Variants in CDK14 observed in about 807,000 individuals in gnomAD.
CDK14 encodes cyclin dependent kinase 14.
Under a neutral mutation model 60.7 loss-of-function variants are expected in CDK14, and 34 were observed. That is an observed-to-expected ratio of 0.56 (90% confidence interval 0.43 to 0.75). CDK14 has a LOEUF of 0.75. CDK14 is among the 30% of genes least tolerant of loss of function. The pLI is 0.00. For synonymous variants in CDK14, 197 were observed against 203.7 expected (o/e 0.97, Z 0.28); for missense variants, 482 against 564.1 (o/e 0.85, Z 1.47).
At position 91,058,614 on chromosome 7, in the gene CDK14, A is replaced by AG. The variant is rs559206367; in HGVS notation, c.1105+12656dup. ...AATTTATTGAGAGTTTTTAGCATGA[A>AG]GGTTGTTGAATTTTGTCAAAGGCTT... On this transcript the variant is annotated intron_variant, in intron 11 of 14. Transcript: ENST00000380050. Among the ~76,000 whole-genome samples the AG allele has an allele frequency of 7.1e-3, 1,088 of 152,282 alleles. 7 individuals are homozygous for AG. The highest frequency in any genetic ancestry group is 0.011 in the Non-Finnish European group (725 of 68,012).
At chr7:91,054,875 G>A (rs551415121) in intron 11 of CDK14, among the ~76,000 whole-genome samples, 1 of 152,302 alleles carries the variant, frequency 6.6e-6, no homozygotes, top group Admixed American at 6.5e-5. Flanking sequence ...GAAAGCCAAG[G>A]TGAAGAGTCA....
chr7:90,704,453 A>G (rs1188670386), intron 2 of CDK14, among the ~76,000 whole-genome samples: 2 of 152,148 alleles, frequency 1.3e-5, no homozygotes, highest in Admixed American at 1.3e-4. Context: ...TGTGGCATGT[A>G]TGTGTGTTTA....
At chr7:91,004,679 G>A (rs1235505112) in intron 10 of CDK14, among the ~76,000 whole-genome samples, 1 of 152,224 alleles carries the variant, frequency 6.6e-6, no homozygotes, top group Non-Finnish European at 1.5e-5. Context: ...GAAGCGGTGA[G>A]TAGCGTGCAG....
intron 10 of CDK14, among the ~76,000 whole-genome samples, chr7:91,003,004 G>A (rs566082971): frequency 3.4e-4 from 51 of 152,088 alleles, no homozygotes; most frequent in Admixed American, 3.1e-3. Context: ...CCTGGGAGGC[G>A]GAGCTTATAG....
Position 90,917,630 on chromosome 7 carries a change from G to C in CDK14, c.732G>C (p.Leu244=). Residue 244 remains leucine, a synonymous_variant, in exon 8 of 15, where the codon CTG becomes CTC. Transcript: ENST00000380050. ...TTTTATTTCAGTTGCTGCGAGGTCT[G>C]TCTTACATCCACCAGCGTTATATTT... is the stretch of plus-strand genomic sequence containing the variant. ...KLFLFQLLRG[L]SYIHQRYILH... is the part of the protein sequence containing the mutation. The C allele has an allele frequency of 3.1e-6, 5 of 1,613,610 alleles. No individual in the cohort carries two copies. Among genetic ancestry groups the C allele is most frequent in the Non-Finnish European group, 4.2e-6 (5 of 1,179,612 alleles).
chr7:91,125,536 G>GCACACA (rs369840885), intron 14 of CDK14, among the ~76,000 whole-genome samples: 1 of 151,178 alleles, frequency 6.6e-6, no homozygotes, highest in South Asian at 2.1e-4. Context: ...ACCAACGCAT[G>GCACACA]CACACACACA....
intron 11 of CDK14, among the ~76,000 whole-genome samples, chr7:91,066,144 G>A (rs1013424675): frequency 1.3e-5 from 2 of 152,168 alleles, no homozygotes; most frequent in Admixed American, 6.5e-5. Flanking sequence ...GAAATTGTGA[G>A]TAACTGAATA....
chr7:90,768,087 T>A (rs1804639097), intron 4 of CDK14, among the ~76,000 whole-genome samples: 1 of 152,252 alleles, frequency 6.6e-6, no homozygotes, highest in Non-Finnish European at 1.5e-5. Context: ...ATCACTGTTG[T>A]GATGATTGAT....
At chr7:90,722,938 C>CT (rs533407104) in intron 2 of CDK14, among the ~76,000 whole-genome samples, 7 of 152,220 alleles carry the variant, frequency 4.6e-5, no homozygotes, top group Non-Finnish European at 1.0e-4. Context: ...CAACAAATGA[C>CT]TTTTTTTGCT....
intron 14 of CDK14, among the ~76,000 whole-genome samples, chr7:91,123,222 A>T (rs1238105116): frequency 6.6e-6 from 1 of 152,238 alleles, no homozygotes; most frequent in East Asian, 1.9e-4. Flanking sequence ...TTTTCAATAT[A>T]TAAGAAACAC....
chr7:90,843,175 A>G (rs961370546), intron 5 of CDK14, among the ~76,000 whole-genome samples: 1 of 152,106 alleles, frequency 6.6e-6, no homozygotes, highest in Non-Finnish European at 1.5e-5. Context: ...TACAACCAAA[A>G]TTTTGCACCC....
At chr7:90,858,760 C>T (rs759492110) in intron 5 of CDK14, among the ~76,000 whole-genome samples, 38 of 152,062 alleles carry the variant, frequency 2.5e-4, no homozygotes, top group Non-Finnish European at 4.7e-4. Context: ...GGTGCAGAAG[C>T]AAGTATCACT....
chr7:90,596,846 G>A, intron 1 of CDK14, 128 bp downstream of exon 1: 1 of 752,960 alleles, frequency 1.3e-6, no homozygotes, highest in Non-Finnish European at 2.3e-6. Context: ...GGCGGGGATC[G>A]AGGGCACAGT....
At chr7:91,201,202 G>A (rs1440940589) in intron 14 of CDK14, among the ~76,000 whole-genome samples, 2 of 151,888 alleles carry the variant, frequency 1.3e-5, no homozygotes, top group African/African-American at 4.8e-5. Flanking sequence ...TTTTTTTCTT[G>A]AAGAGAAACT....
At chr7:90,998,738 A>C (rs1795755880) in intron 10 of CDK14, among the ~76,000 whole-genome samples, 2 of 151,974 alleles carry the variant, frequency 1.3e-5, no homozygotes, top group Non-Finnish European at 2.9e-5. Flanking sequence ...AATACAAAAA[A>C]ATTAGCTGGG....
intron 4 of CDK14, among the ~76,000 whole-genome samples, chr7:90,765,249 A>C (rs1328815029): frequency 6.6e-6 from 1 of 152,232 alleles, no homozygotes. Flanking sequence ...TTATTAAAAA[A>C]AGTTATTTTT....
intron 2 of CDK14, among the ~76,000 whole-genome samples, chr7:90,706,786 A>T (rs1000513706): frequency 6.6e-6 from 1 of 152,288 alleles, no homozygotes; most frequent in East Asian, 1.9e-4. Flanking sequence ...CCATAGTTGG[A>T]TGAGTGTTGT....
intron 5 of CDK14, among the ~76,000 whole-genome samples, chr7:90,829,785 G>A (rs977302410): frequency 1.3e-5 from 2 of 152,058 alleles, no homozygotes; most frequent in East Asian, 1.9e-4. Flanking sequence ...CACCCGCCTC[G>A]GCCTCCCAAA....
At chr7:91,191,691 A>G (rs924447382) in intron 14 of CDK14, among the ~76,000 whole-genome samples, 4 of 152,010 alleles carry the variant, frequency 2.6e-5, no homozygotes, top group African/African-American at 9.7e-5. Context: ...GAAAGGGGAA[A>G]TGTGAAGCTT....
Sources: gnomAD v4.1 joint callset for allele counts (sites outside exome capture counted in the v4.1 genomes callset) on GRCh38, gnomAD v4.1.1 for gene constraint, MANE v1.5 for transcripts, NCBI Gene and HGNC (gene_info 2026-07-23, HGNC 2026-07-21) for gene names.